The following NIM1K variants were observed in gnomAD, a reference collection of about 807,000 sequenced individuals.
The protein encoded by NIM1K is serine/threonine-protein kinase NIM1.
NIM1K carries 35 observed loss-of-function variants against 37.1 expected under a neutral mutation model. The observed-to-expected ratio is 0.94, with a 90% confidence interval of 0.72 to 1.25. The LOEUF is 1.25. Ranked by LOEUF, NIM1K falls within the 50% of genes most tolerant of loss-of-function variation. The pLI, the probability that NIM1K is intolerant of heterozygous loss-of-function variation, is 0.00. For synonymous variants in NIM1K, 234 were observed against 206.6 expected (o/e 1.13, Z -1.14); for missense variants, 564 against 548.0 (o/e 1.03, Z -0.29).
chr5:43,212,320 G>C (rs369455537), intron 1 of NIM1K, among the ~76,000 whole-genome samples: 4 of 152,206 alleles, frequency 2.6e-5, no homozygotes, highest in South Asian at 4.2e-4. Flanking sequence ...ACATGGCAGA[G>C]GTCTCCTCCC....
At chr5:43,273,391 G>C (rs991142918) in intron 2 of NIM1K, among the ~76,000 whole-genome samples, 6 of 151,898 alleles carry the variant, frequency 4.0e-5, no homozygotes, top group Non-Finnish European at 7.4e-5. Flanking sequence ...TTATAGTAGA[G>C]ACGGGGTTTC....
intron 1 of NIM1K, among the ~76,000 whole-genome samples, chr5:43,202,932 C>T (rs528956335): frequency 1.3e-5 from 2 of 152,294 alleles, no homozygotes; most frequent in South Asian, 2.1e-4. Flanking sequence ...CTGCTGCTGG[C>T]TCCATGTCCT....
intron 2 of NIM1K, among the ~76,000 whole-genome samples, chr5:43,247,937 A>C (rs188126744): frequency 2.0e-5 from 3 of 152,276 alleles, no homozygotes; most frequent in African/African-American, 7.2e-5. Flanking sequence ...TATAAAGATG[A>C]AATAGATACA....
At chr5:43,207,327 AG>A in intron 1 of NIM1K, 2 of 768,984 alleles carry the variant, frequency 2.6e-6, no homozygotes, top group Non-Finnish European at 4.8e-6. Context: ...CTAAAACCAA[AG>A]ATGGTCACTA....
In NIM1K at chr5:43,205,706, TTTTTGTTTTG is replaced by T. The variant is rs372315716; in HGVS notation, c.-695+13311_-695+13320del. Among the ~76,000 whole-genome samples, 25 of 152,268 alleles carry T rather than the reference TTTTTGTTTTG, an allele frequency of 1.6e-4. No homozygotes were observed. The South Asian group carries it at 3.1e-3, about 19-fold the overall frequency. On this transcript the variant is annotated intron_variant, in intron 1 of 3. Coordinates refer to ENST00000326035, the MANE Select transcript of NIM1K (RefSeq NM_153361.4). ...TTGTGTTTTACTTCTTGTTTGCTTG[TTTTTGTTTTG>T]TTTTGTTTTGTTTTGAGACGGAGTC...
intron 2 of NIM1K, among the ~76,000 whole-genome samples, chr5:43,276,654 C>T (rs1276216353): frequency 1.3e-5 from 2 of 152,160 alleles, no homozygotes; most frequent in Admixed American, 6.5e-5. Flanking sequence ...ATGTTCAGCC[C>T]CTTTTCAGGG....
intron 1 of NIM1K, among the ~76,000 whole-genome samples, chr5:43,199,204 A>AAAAAAAAAAAAAAAAAAT (rs1200134957): frequency 3.2e-5 from 3 of 94,072 alleles, no homozygotes; most frequent in Non-Finnish European, 6.1e-5. Flanking sequence ...AAAAAAAAAA[A>AAAAAAAAAAAAAAAAAAT]ATATATATAT....
At chr5:43,234,708 C>A (rs551586684) in intron 1 of NIM1K, among the ~76,000 whole-genome samples, 1 of 152,198 alleles carries the variant, frequency 6.6e-6, no homozygotes, top group Non-Finnish European at 1.5e-5. Flanking sequence ...GATCTTGGCT[C>A]ACTGCAACCT....
intron 1 of NIM1K, among the ~76,000 whole-genome samples, 189 bp from the exon 2 acceptor site, chr5:43,244,893 G>A (rs1486597941): frequency 6.6e-6 from 1 of 152,072 alleles, no homozygotes; most frequent in African/African-American, 2.4e-5. Context: ...TAAAATGTAG[G>A]TTGAGAGGTG....
chr5:43,201,594 A>G (rs925583183), intron 1 of NIM1K, among the ~76,000 whole-genome samples: 2 of 151,928 alleles, frequency 1.3e-5, no homozygotes, highest in African/African-American at 4.8e-5. Context: ...ACAGCCATTC[A>G]TATTTGTGAA....
chr5:43,209,061 G>C (rs1752167179), intron 1 of NIM1K, among the ~76,000 whole-genome samples: 1 of 152,162 alleles, frequency 6.6e-6, no homozygotes, highest in Admixed American at 6.5e-5. Context: ...TTAAAATAAA[G>C]TAAATTCTGC....
At chr5:43,238,253 A>G (rs923937641) in intron 1 of NIM1K, among the ~76,000 whole-genome samples, 1 of 151,934 alleles carries the variant, frequency 6.6e-6, no homozygotes, top group African/African-American at 2.4e-5. Context: ...TGTGTTAGCC[A>G]GGATGGTCTT....
chr5:43,228,874 C>T (rs28600138), intron 1 of NIM1K, among the ~76,000 whole-genome samples: 10,744 of 151,830 alleles, frequency 0.071, 799 homozygotes, highest in African/African-American at 0.19. Flanking sequence ...CCTTAAAGCT[C>T]GTATACATAT....
At chr5:43,211,419 T>C (rs924957532) in intron 1 of NIM1K, among the ~76,000 whole-genome samples, 9 of 152,174 alleles carry the variant, frequency 5.9e-5, no homozygotes, top group African/African-American at 1.7e-4. Flanking sequence ...CTTAGGCAGA[T>C]AGGAACTTCA....
intron 2 of NIM1K, among the ~76,000 whole-genome samples, chr5:43,247,873 C>A (rs1238598040): frequency 1.3e-5 from 2 of 152,170 alleles, no homozygotes; most frequent in East Asian, 3.8e-4. Context: ...AGAGAATATT[C>A]ATTTATTATT....
chr5:43,226,705 G>A (rs1292936977), intron 1 of NIM1K, among the ~76,000 whole-genome samples: 2 of 152,352 alleles, frequency 1.3e-5, no homozygotes, highest in Non-Finnish European at 2.9e-5. Flanking sequence ...CATGATGCCT[G>A]TGATGGCAGG....
chr5:43,272,504 A>T (rs1179300685), intron 2 of NIM1K, among the ~76,000 whole-genome samples: 2 of 151,554 alleles, frequency 1.3e-5, no homozygotes, highest in African/African-American at 2.4e-5. Context: ...GTTGACTTTG[A>T]TCTCTAGGGA....
intron 2 of NIM1K, among the ~76,000 whole-genome samples, chr5:43,247,130 T>C (rs1579977998): frequency 6.6e-6 from 1 of 151,978 alleles, no homozygotes; most frequent in Non-Finnish European, 1.5e-5. Context: ...TCCACATACA[T>C]GTTTGCATAC....
At chr5:43,227,894 T>C (rs180998958) in intron 1 of NIM1K, among the ~76,000 whole-genome samples, 1 of 152,242 alleles carries the variant, frequency 6.6e-6, no homozygotes, top group African/African-American at 2.4e-5. Flanking sequence ...TCTGTAAACA[T>C]CATAGGTTCC....
Sources: allele counts gnomAD v4.1 joint callset (sites outside exome capture counted in the v4.1 genomes callset), GRCh38; gene constraint gnomAD v4.1.1; transcripts MANE v1.5; gene names NCBI Gene and HGNC (gene_info 2026-07-23, HGNC 2026-07-21).